VPS50: variants seen among roughly 807,000 people sequenced by gnomAD.
VPS50 encodes the protein VPS50 subunit of EARP/GARPII complex, also known as syndetin.
Under a neutral mutation model 139.7 loss-of-function variants are expected in VPS50, and 70 were observed. The ratio of observed to expected loss-of-function variants is 0.50; its 90% CI spans 0.41 to 0.61. VPS50 has a LOEUF of 0.61. Ranked by LOEUF, VPS50 falls within the 20% of genes least tolerant of loss-of-function variation. The pLI is 0.00. For missense variants in VPS50, 921 were observed against 1,133.7 expected, an observed-to-expected ratio of 0.81 and a Z score of 2.69; for synonymous variants, 365 against 376.7, an observed-to-expected ratio of 0.97 and a Z score of 0.36.
intron 2 of VPS50, among the ~76,000 whole-genome samples, chr7:93,250,799 A>T (rs1204438422): frequency 4.6e-5 from 7 of 152,214 alleles, no homozygotes; most frequent in Admixed American, 6.5e-5. Context: ...TATCCATCTG[A>T]CAAAGAGCTA....
chr7:93,236,832 T>A (rs543185604), intron 1 of VPS50, among the ~76,000 whole-genome samples: 1 of 152,130 alleles, frequency 6.6e-6, no homozygotes, highest in East Asian at 1.9e-4. Context: ...AGGAAAGCAT[T>A]TCTGTCATAA....
At chr7:93,329,704 C>G (rs954500975) in intron 21 of VPS50, among the ~76,000 whole-genome samples, 1 of 152,006 alleles carries the variant, frequency 6.6e-6, no homozygotes, top group Non-Finnish European at 1.5e-5. Flanking sequence ...CAGCTGACTT[C>G]CCATTAAAAA....
chr7:93,287,560 A>C (rs1451055941), intron 12 of VPS50, among the ~76,000 whole-genome samples: 1 of 152,114 alleles, frequency 6.6e-6, no homozygotes, highest in Non-Finnish European at 1.5e-5. Flanking sequence ...TTATAACACA[A>C]TTATTTGTAC....
At chr7:93,353,611 C>CACAA (rs1186624574) in intron 25 of VPS50, 29 bp from the exon 26 acceptor site, 2 of 1,592,526 alleles carry the variant, frequency 1.3e-6, no homozygotes, top group African/African-American at 2.7e-5. Context: ...TAATGATATT[C>CACAA]ACAAACAGCT....
rs1373729241 is a variant in VPS50 at position 93,323,696 on chromosome 7, G to C, written c.1941G>C (p.Leu647Phe). 1.4e-6 allele frequency: 2 copies of C among 1,422,082 alleles called. No individual in the cohort carries two copies. The highest frequency in any genetic ancestry group is 2.3e-5 in the Admixed American group (1 of 44,052). The allele number at this position is 1,422,082 out of a possible 1,614,324, so 88.1% of individuals were successfully genotyped here. A position where few individuals can be genotyped will look rare whatever the true frequency, so the allele number is the denominator to read the frequency against. The part of the protein sequence containing the change: ...HFMSQLFDYY[L>F]YAIYTFFGRN... ...TGTCTCAACTATTTGATTATTACTT[G>C]TATGCAATATATACCTTTTTTGGTC... Residue 647 changes from leucine (L) to phenylalanine (F), a missense_variant, in exon 21 of 28, where the codon TTG becomes TTC. Leu to Phe is a conservative substitution (Grantham distance 22). Around this residue, in one of 3 missense-constraint regions of VPS50, gnomAD observed 744 missense variants for 930.6 expected, o/e 0.80. Transcript: ENST00000305866.
chr7:93,340,650 C>T (rs949279327), intron 22 of VPS50: 2 of 152,202 alleles, frequency 1.3e-5, no homozygotes, highest in Non-Finnish European at 2.9e-5. Context: ...CCAAGGCATT[C>T]GTTGCCTGGC....
intron 22 of VPS50, among the ~76,000 whole-genome samples, 160 bp downstream of exon 22, chr7:93,334,357 G>A (rs1475506322): frequency 6.6e-6 from 1 of 152,134 alleles, no homozygotes; most frequent in Non-Finnish European, 1.5e-5. Context: ...CTTATAGTCT[G>A]ATCAGAGAGA....
At chr7:93,233,892 C>T (rs1388497243) in intron 1 of VPS50, among the ~76,000 whole-genome samples, 1 of 152,120 alleles carries the variant, frequency 6.6e-6, no homozygotes. Context: ...GAGTTTAAGG[C>T]GTTAACGGAG....
intron 9 of VPS50, among the ~76,000 whole-genome samples, chr7:93,261,648 C>T (rs1020234386): frequency 2.1e-5 from 3 of 143,858 alleles, no homozygotes; most frequent in African/African-American, 7.9e-5. Flanking sequence ...ACTGCACTCC[C>T]ACCTGGGCCA....
chr7:93,340,553 A>G (rs1562895247), intron 22 of VPS50: 1 of 152,212 alleles, frequency 6.6e-6, no homozygotes, highest in Non-Finnish European at 1.5e-5. Context: ...GAGTAAGTGT[A>G]TCTTTGAAAC....
chr7:93,238,718 A>T (rs566902936), intron 1 of VPS50, among the ~76,000 whole-genome samples: 48 of 152,288 alleles, frequency 3.2e-4, no homozygotes, highest in African/African-American at 1.1e-3. Context: ...GTGTTGATGG[A>T]CATGATCCAA....
chr7:93,250,930 G>A (rs904814871), intron 2 of VPS50, among the ~76,000 whole-genome samples: 1 of 152,152 alleles, frequency 6.6e-6, no homozygotes, highest in Non-Finnish European at 1.5e-5. Context: ...ATGAAAAAAA[G>A]CTCATCATCC....
chr7:93,267,885 A>G (rs879808623), intron 9 of VPS50, among the ~76,000 whole-genome samples: 9 of 152,138 alleles, frequency 5.9e-5, no homozygotes, highest in Non-Finnish European at 1.2e-4. Context: ...TATTTTTTTC[A>G]TGTCAGATTG....
chr7:93,354,970 C>T (rs1294019769), intron 26 of VPS50, among the ~76,000 whole-genome samples: 1 of 152,120 alleles, frequency 6.6e-6, no homozygotes, highest in African/African-American at 2.4e-5. Context: ...AAGCTGACAA[C>T]AGTCGTGGCA....
At chr7:93,270,629 G>GT (rs1395931222) in intron 9 of VPS50, among the ~76,000 whole-genome samples, 1 of 151,856 alleles carries the variant, frequency 6.6e-6, no homozygotes, top group East Asian at 1.9e-4. Context: ...AGTGTGTGTT[G>GT]TTTCAGTAGA....
At position 93,300,885 on chromosome 7, in the gene VPS50, G is replaced by T. The variant is rs563530458; in HGVS notation, c.1362-2575G>T. Among the ~76,000 whole-genome samples the T allele has an allele frequency of 2.0e-5, 3 of 152,070 alleles. No homozygotes were observed. In the East Asian group the frequency reaches 5.8e-4, roughly 29 times the overall value. On this transcript the variant is annotated intron_variant, in intron 16 of 27. Coordinates refer to ENST00000305866, the MANE Select transcript of VPS50 (RefSeq NM_017667.4). ...TTCTTTAAAATATTTAACATTTTTAGATATCACACAGCAATATGATGGGTT... is the reference window on the plus strand; with the variant it reads ...TTCTTTAAAATATTTAACATTTTTATATATCACACAGCAATATGATGGGTT...
chr7:93,284,656 A>G (rs1048949343), intron 12 of VPS50, among the ~76,000 whole-genome samples: 15 of 152,328 alleles, frequency 9.8e-5, no homozygotes, highest in African/African-American at 3.6e-4. Context: ...TTGCAAGGAA[A>G]GTTTTGCTAA....
chr7:93,256,360 A>C (rs899653833), intron 4 of VPS50, 149 bp from the exon 5 acceptor site: 3 of 444,882 alleles, frequency 6.7e-6, no homozygotes, highest in Non-Finnish European at 7.9e-6. Flanking sequence ...AGCCCAGGGA[A>C]ATGTGTATGG....
Position 93,358,601 on chromosome 7 carries a change from AC to A in VPS50, c.*166del, listed in dbSNP as rs1397597775. On this transcript the variant is annotated 3_prime_UTR_variant, in exon 28 of 28. Coordinates refer to ENST00000305866, the MANE Select transcript of VPS50 (RefSeq NM_017667.4). ...TTGAAATGTGTGTGGTGTTCTCATG[AC>A]TTTTATATGCTGTGGTCTCTTCAAC... 3.3e-6 allele frequency: 2 copies of A among 597,554 alleles called. No homozygotes were observed. Among genetic ancestry groups the A allele is most frequent in the East Asian group, 5.7e-5 (2 of 35,188 alleles). The allele number at this position is 597,554 out of a possible 1,614,324, so 37.0% of individuals were successfully genotyped here.
Sources: allele counts gnomAD v4.1 joint callset (sites outside exome capture counted in the v4.1 genomes callset), GRCh38; gene constraint gnomAD v4.1.1; regional missense constraint gnomAD v4.1.1; transcripts MANE v1.5; gene names NCBI Gene and HGNC (gene_info 2026-07-23, HGNC 2026-07-21).